Variants in SMARCAL1 observed in about 807,000 individuals in gnomAD.
The protein encoded by SMARCAL1 is SNF2 related chromatin remodeling annealing helicase 1.
A neutral mutation model predicts 94.5 loss-of-function variants in SMARCAL1; 58 were observed. The observed-to-expected ratio is 0.61, with a 90% CI of 0.50 to 0.76. The LOEUF (loss-of-function observed/expected upper bound fraction) is 0.76, where lower values mean the gene tolerates loss of function less well. Among genes scored for constraint, SMARCAL1 ranks in the 30% least tolerant of loss-of-function variants. The pLI, the probability that SMARCAL1 is intolerant of heterozygous loss-of-function variation, is 0.00. For synonymous variants in SMARCAL1, 422 were observed against 455.1 expected, an observed-to-expected ratio of 0.93 and a Z score of 0.93; for missense variants, 1,051 against 1,177.9, an observed-to-expected ratio of 0.89 and a Z score of 1.58.
At chr2:216,450,125 C>G (rs1427654098) in intron 11 of SMARCAL1, among the ~76,000 whole-genome samples, 1 of 152,206 alleles carries the variant, frequency 6.6e-6, no homozygotes, top group Non-Finnish European at 1.5e-5. Context: ...GCTGGGATTA[C>G]AGGCGTGAGC....
chr2:216,478,161 C>T (rs1695128218), intron 16 of SMARCAL1, 42 bp from the exon 17 acceptor site: 2 of 1,479,956 alleles, frequency 1.4e-6, no homozygotes, highest in East Asian at 4.5e-5. Flanking sequence ...TCTGGTGGTT[C>T]TGTGCAGGTT....
chr2:216,434,851 ATTT>A (rs11408208), intron 8 of SMARCAL1, among the ~76,000 whole-genome samples: 1 of 117,368 alleles, frequency 8.5e-6, no homozygotes, highest in African/African-American at 3.3e-5. Flanking sequence ...ACAACTCTCT[ATTT>A]TTTTTTTTTT....
intron 12 of SMARCAL1, among the ~76,000 whole-genome samples, chr2:216,463,105 G>A (rs1694742619): frequency 6.6e-6 from 1 of 152,166 alleles, no homozygotes. Context: ...AAGATCTCAA[G>A]AATGACAGGT....
intron 12 of SMARCAL1, among the ~76,000 whole-genome samples, chr2:216,457,094 G>GC (rs1694583772): frequency 6.6e-6 from 1 of 150,884 alleles, no homozygotes. Flanking sequence ...AAGAGACAAG[G>GC]CCGTTACATA....
chr2:216,444,549 T>G (rs1294387031), intron 10 of SMARCAL1, among the ~76,000 whole-genome samples: 6 of 152,232 alleles, frequency 3.9e-5, no homozygotes, highest in Admixed American at 2.0e-4. Context: ...GTTTCACTCT[T>G]GTCACCCAGG....
chr2:216,442,545 A>T (rs1694219378), intron 10 of SMARCAL1, among the ~76,000 whole-genome samples: 1 of 152,116 alleles, frequency 6.6e-6, no homozygotes, highest in Admixed American at 6.6e-5. Context: ...ACCAGTTTTC[A>T]GGTTTACTTC....
intron 12 of SMARCAL1, 163 bp downstream of exon 12, chr2:216,451,227 C>A: frequency 1.5e-6 from 1 of 683,252 alleles, no homozygotes; most frequent in Non-Finnish European, 2.6e-6. Context: ...CCTCAGCCTA[C>A]CTAGTCAGTT....
chr2:216,416,891 A>C (rs1278252207), intron 4 of SMARCAL1, among the ~76,000 whole-genome samples: 1 of 152,242 alleles, frequency 6.6e-6, no homozygotes, highest in Admixed American at 6.5e-5. Context: ...GTGTCTGGTC[A>C]TAGTCAGCAC....
At chr2:216,481,949 C>T (rs541081918) in intron 17 of SMARCAL1, among the ~76,000 whole-genome samples, 40 of 152,258 alleles carry the variant, frequency 2.6e-4, no homozygotes, top group Admixed American at 3.9e-4. Flanking sequence ...TGATAGTGAT[C>T]GTGTGTTGTG....
At chr2:216,429,088 A>G (rs972899486) in intron 7 of SMARCAL1, among the ~76,000 whole-genome samples, 2 of 152,154 alleles carry the variant, frequency 1.3e-5, no homozygotes, top group African/African-American at 4.8e-5. Context: ...TAAAGATCTC[A>G]TCAGGCTGCT....
At chr2:216,447,648 G>A (rs910847499) in intron 11 of SMARCAL1, among the ~76,000 whole-genome samples, 1 of 144,814 alleles carries the variant, frequency 6.9e-6, no homozygotes, top group Non-Finnish European at 1.5e-5. Flanking sequence ...ATGAAGTAAA[G>A]GTGGGAAATT....
intron 3 of SMARCAL1, chr2:216,415,996 A>T (rs1427889348): frequency 4.4e-6 from 2 of 454,712 alleles, no homozygotes; most frequent in Non-Finnish European, 8.1e-6. Context: ...GAGAACTTGG[A>T]TTCTAGTCCT....
At position 216,447,163 on chromosome 2, in the gene SMARCAL1, GTAT is replaced by G; in HGVS notation, c.1851+9_1851+11del. The G allele has an allele frequency of 6.2e-7, 1 of 1,613,934 alleles. No individual in the cohort carries two copies. Among genetic ancestry groups the G allele is most frequent in the South Asian group, 1.1e-5 (1 of 91,082 alleles). ...CGCTACTGTGATGCCAAACGGGTAT[GTAT>G]TATCTCTTCCCTCCCAGCCCACCCA... On this transcript the variant is annotated splice_donor_region_variant and intron_variant, in intron 11 of 17. Coordinates refer to ENST00000357276, the MANE Select transcript of SMARCAL1 (RefSeq NM_014140.4).
In SMARCAL1 at chr2:216,464,803, G is replaced by C. The variant is rs1364054597; in HGVS notation, c.2141+136G>C. The C allele has an allele frequency of 4.1e-6, 3 of 732,232 alleles. No homozygotes were observed. The African/African-American group carries it at 5.3e-5, about 13-fold the overall frequency. The allele number at this position is 732,232 out of a possible 1,614,324, so 45.4% of individuals were successfully genotyped here. ...GAGATTATTAAATGTGCCTTTTGTT[G>C]AGGAAGGAAAAAATAAAACAGATGA... On this transcript the variant is annotated intron_variant, in intron 13 of 17. Transcript: ENST00000357276.
chr2:216,421,375 G>A (rs989773642), intron 5 of SMARCAL1, among the ~76,000 whole-genome samples: 8 of 152,086 alleles, frequency 5.3e-5, no homozygotes, highest in African/African-American at 1.7e-4. Flanking sequence ...TTGGCTCACC[G>A]CAACCTCTGC....
intron 14 of SMARCAL1, among the ~76,000 whole-genome samples, chr2:216,470,336 G>T (rs1034813709): frequency 1.3e-5 from 2 of 151,896 alleles, no homozygotes; most frequent in African/African-American, 4.8e-5. Context: ...CATTTTTTTA[G>T]TAGAGACGGG....
At chr2:216,432,283 C>A (rs942224476) in intron 7 of SMARCAL1, among the ~76,000 whole-genome samples, 1 of 152,128 alleles carries the variant, frequency 6.6e-6, no homozygotes, top group Non-Finnish European at 1.5e-5. Context: ...CATGAGCCAC[C>A]GCGCCCGACC....
intron 4 of SMARCAL1, among the ~76,000 whole-genome samples, chr2:216,417,454 C>T (rs1026845752): frequency 7.2e-5 from 11 of 152,222 alleles, no homozygotes; most frequent in African/African-American, 2.7e-4. Context: ...GCTGTCTTCT[C>T]TCTGTGTCCT....
chr2:216,427,660 A>G (rs1693864916), intron 6 of SMARCAL1, among the ~76,000 whole-genome samples: 1 of 152,218 alleles, frequency 6.6e-6, no homozygotes, highest in South Asian at 2.1e-4. Flanking sequence ...TGTGGAAACT[A>G]TTTCCAGAAA....
Sources: gnomAD v4.1 joint callset for allele counts (sites outside exome capture counted in the v4.1 genomes callset) on GRCh38, gnomAD v4.1.1 for gene constraint, MANE v1.5 for transcripts, NCBI Gene and HGNC (gene_info 2026-07-23, HGNC 2026-07-21) for gene names.